The following SMC1B variants were observed in gnomAD, a reference collection of about 807,000 sequenced individuals.
SMC1B encodes structural maintenance of chromosomes protein 1B.
A neutral mutation model predicts 157.9 loss-of-function variants in SMC1B; 60 were observed. The ratio of observed to expected loss-of-function variants is 0.38; its 90% CI spans 0.31 to 0.47. The LOEUF is 0.47. SMC1B is among the 20% of genes least tolerant of loss of function. SMC1B has a pLI of 0.99. For missense variants in SMC1B, 1,165 were observed against 1,426.2 expected (o/e 0.82, Z 2.95); for synonymous variants, 445 against 483.0 (o/e 0.92, Z 1.03).
chr22:45,354,199 G>A, intron 20 of SMC1B, 67 bp from the exon 21 acceptor site: 2 of 1,245,930 alleles, frequency 1.6e-6, no homozygotes, highest in Middle Eastern at 2.0e-4. Context: ...AAACTGTAAA[G>A]CATAAAATAT....
In SMC1B at chr22:45,399,242, G is replaced by T; in HGVS notation, c.966C>A (p.Ser322Arg). The stretch of plus-strand genomic sequence containing the variant: ...CTTCCTGTTTAGAACATTGTTTTTC[G>T]CTGTCCTTTATTGATTTCTTAGCCA... Reference protein sequence around the residue: ...LDVAKKSIKDSEKQCSKQEDD... With the variant: ...LDVAKKSIKDREKQCSKQEDD... The change falls in exon 6 of 25, where the codon AGC (serine) becomes AGA (arginine). Residue 322 changes from serine to arginine, a missense_variant. By Grantham distance (110) the Ser-to-Arg change is moderately radical. Coordinates refer to ENST00000357450, the MANE Select transcript of SMC1B (RefSeq NM_148674.5). The T allele has an allele frequency of 6.2e-7, 1 of 1,613,860 alleles. No homozygotes were observed. The highest frequency in any genetic ancestry group is 8.5e-7 in the Non-Finnish European group (1 of 1,179,904).
chr22:45,353,756 A>T (rs573029206), intron 21 of SMC1B, among the ~76,000 whole-genome samples: 1 of 152,140 alleles, frequency 6.6e-6, no homozygotes, highest in South Asian at 2.1e-4. Flanking sequence ...AGACCCAGAG[A>T]GGTTTTGACT....
At chr22:45,379,729 T>C (rs1457673696) in intron 12 of SMC1B, among the ~76,000 whole-genome samples, 1 of 135,852 alleles carries the variant, frequency 7.4e-6, no homozygotes, top group Non-Finnish European at 1.5e-5. Context: ...TTTACTTTTT[T>C]TTTTTTTTTT....
chr22:45,354,904 T>C (rs1211953902), intron 20 of SMC1B, 55 bp downstream of exon 20: 5 of 1,549,430 alleles, frequency 3.2e-6, no homozygotes, highest in East Asian at 2.2e-5. Context: ...GCAAATGTTA[T>C]AGCAATCAAA....
intron 5 of SMC1B, 49 bp downstream of exon 5, chr22:45,402,284 A>T: frequency 8.2e-7 from 1 of 1,222,342 alleles, no homozygotes; most frequent in South Asian, 1.3e-5. Flanking sequence ...TATTCCCTCT[A>T]TCAAGCTACA....
intron 12 of SMC1B, among the ~76,000 whole-genome samples, chr22:45,377,726 G>A (rs370589523): frequency 4.6e-5 from 7 of 152,036 alleles, no homozygotes; most frequent in African/African-American, 1.7e-4. Context: ...AATAGAGATG[G>A]GGTCTTACCA....
rs548841952 is a variant in SMC1B at position 45,402,412 on chromosome 22, G to A, written c.775C>T (p.His259Tyr). Reference sequence around the variant, plus strand: ...TTCCTGGCTTTAACTATGTTTTCATGATGAGACAAAGACTCTCTTTTGACA... The same window carrying A: ...TTCCTGGCTTTAACTATGTTTTCATAATGAGACAAAGACTCTCTTTTGACA... ...LSVKRESLSH[H>Y]ENIVKARKKE... The change falls in exon 5 of 25, where the codon CAT becomes TAT. Residue 259 changes from histidine to tyrosine, a missense_variant. Physicochemically the swap from His to Tyr is moderately conservative, Grantham distance 83. Coordinates refer to ENST00000357450, the MANE Select transcript of SMC1B (RefSeq NM_148674.5). 8 of 1,613,860 alleles carry A rather than the reference G, an allele frequency of 5.0e-6. No individual in the cohort carries two copies. In the East Asian group the frequency reaches 1.3e-4, roughly 27 times the overall value.
intron 4 of SMC1B, among the ~76,000 whole-genome samples, chr22:45,405,617 G>A (rs1167151660): frequency 2.0e-5 from 3 of 151,948 alleles, no homozygotes; most frequent in Non-Finnish European, 4.4e-5. Flanking sequence ...TCTGATTTGA[G>A]TTTCAAAAAT....
At chr22:45,369,360 T>C (rs544383802) in intron 15 of SMC1B, among the ~76,000 whole-genome samples, 62 of 151,898 alleles carry the variant, frequency 4.1e-4, no homozygotes, top group Middle Eastern at 3.4e-3. Flanking sequence ...CCTCCCAAAG[T>C]GCTGGGATTA....
At chr22:45,393,294 A>G (rs866367216) in intron 9 of SMC1B, among the ~76,000 whole-genome samples, 1 of 152,202 alleles carries the variant, frequency 6.6e-6, no homozygotes, top group Non-Finnish European at 1.5e-5. Flanking sequence ...ACCATGAAAA[A>G]CATGAGGTTT....
At chr22:45,359,743 C>T in intron 18 of SMC1B, 62 bp downstream of exon 18, 4 of 1,534,966 alleles carry the variant, frequency 2.6e-6, no homozygotes, top group Non-Finnish European at 3.6e-6. Context: ...AAAGAATAAG[C>T]AAAGGGCAAT....
intron 15 of SMC1B, among the ~76,000 whole-genome samples, chr22:45,367,383 G>A (rs972984773): frequency 6.6e-6 from 1 of 152,134 alleles, no homozygotes; most frequent in Non-Finnish European, 1.5e-5. Context: ...ACTTTGGAGC[G>A]TTGCCTATCT....
At chr22:45,386,825 C>T (rs1249491193) in intron 11 of SMC1B, 42 bp downstream of exon 11, 9 of 1,566,820 alleles carry the variant, frequency 5.7e-6, no homozygotes, top group African/African-American at 2.7e-5. Context: ...ATAAATACTA[C>T]TTCAACTTAT....
chr22:45,360,307 C>G (rs1418812629), intron 17 of SMC1B, among the ~76,000 whole-genome samples: 1 of 152,170 alleles, frequency 6.6e-6, no homozygotes, highest in East Asian at 1.9e-4. Context: ...GCCAGTAAGT[C>G]ACATACACTT....
At chr22:45,365,925 T>G (rs1383967219) in intron 15 of SMC1B, among the ~76,000 whole-genome samples, 1 of 152,232 alleles carries the variant, frequency 6.6e-6, no homozygotes, top group Non-Finnish European at 1.5e-5. Context: ...TGTTTTTAGA[T>G]GGGATGACAA....
At chr22:45,393,453 A>G (rs2087085021) in intron 9 of SMC1B, among the ~76,000 whole-genome samples, 181 bp downstream of exon 9, 1 of 152,162 alleles carries the variant, frequency 6.6e-6, no homozygotes, top group Non-Finnish European at 1.5e-5. Context: ...TGGAAGTTTT[A>G]CCCTAATTAG....
intron 12 of SMC1B, among the ~76,000 whole-genome samples, chr22:45,376,515 T>G (rs1461194943): frequency 1.3e-5 from 2 of 152,200 alleles, no homozygotes; most frequent in East Asian, 3.8e-4. Flanking sequence ...AATCTCTTTT[T>G]AAGACCCTAC....
At chr22:45,392,403 CTT>C (rs889961231) in intron 9 of SMC1B, among the ~76,000 whole-genome samples, 14 of 142,496 alleles carry the variant, frequency 9.8e-5, no homozygotes, top group African/African-American at 7.7e-5. Flanking sequence ...TACTTCAATA[CTT>C]TTTTTTTTTT....
intron 1 of SMC1B, 59 bp from the exon 2 acceptor site, chr22:45,408,957 A>G: frequency 1.8e-6 from 2 of 1,084,256 alleles, no homozygotes; most frequent in Non-Finnish European, 2.6e-6. Flanking sequence ...CCCTACCCAG[A>G]GCTGAAGAAA....
Sources: allele counts gnomAD v4.1 joint callset (sites outside exome capture counted in the v4.1 genomes callset), GRCh38; gene constraint gnomAD v4.1.1; transcripts MANE v1.5; gene names NCBI Gene and HGNC (gene_info 2026-07-23, HGNC 2026-07-21).